The following TMPRSS2 variants were observed in gnomAD, a reference collection of about 807,000 sequenced individuals.
TMPRSS2 encodes the protein transmembrane protease serine 2.
TMPRSS2 carries 59 observed loss-of-function variants against 67.4 expected under a neutral mutation model. The observed-to-expected ratio is 0.88, with a 90% CI of 0.71 to 1.09. TMPRSS2 has a LOEUF of 1.09. TMPRSS2 is among the 50% of genes least tolerant of loss of function. TMPRSS2 has a pLI of 0.00. For missense variants in TMPRSS2, 668 were observed against 642.7 expected, an observed-to-expected ratio of 1.04 and a Z score of -0.43; for synonymous variants, 257 against 257.0, an observed-to-expected ratio of 1.00 and a Z score of 0.00.
chr21:41,470,523 G>A, intron 11 of TMPRSS2, 125 bp downstream of exon 11: 4 of 853,130 alleles, frequency 4.7e-6, no homozygotes, highest in East Asian at 2.7e-5. Context: ...AAGGACTGGG[G>A]GAATCAACCA....
At chr21:41,480,869 C>T (rs1393006603) in intron 5 of TMPRSS2, among the ~76,000 whole-genome samples, 1 of 152,174 alleles carries the variant, frequency 6.6e-6, no homozygotes, top group Non-Finnish European at 1.5e-5. Flanking sequence ...AACTCCTGAC[C>T]TCAGGTGATC....
At position 41,468,516 on chromosome 21, in the gene TMPRSS2, G is replaced by T. The variant is rs1020870443; in HGVS notation, c.1194C>A (p.Asn398Lys). 1 of 1,614,100 alleles carries T rather than the reference G, an allele frequency of 6.2e-7. No individual in the cohort carries two copies. The highest frequency in any genetic ancestry group is 8.5e-7 in the Non-Finnish European group (1 of 1,180,026). Residue 398 changes from asparagine (N) to lysine (K), a missense_variant, in exon 12 of 14, where the codon AAC becomes AAA. Asn to Lys is a moderately conservative substitution (Grantham distance 94, BLOSUM62 0). Transcript: ENST00000332149. Reference protein sequence around the residue: ...EEKGKTSEVLNAAKVLLIETQ... With the variant: ...EEKGKTSEVLKAAKVLLIETQ... Reference sequence around the variant, plus strand: ...TCTCAATGAGAAGCACCTTGGCAGCGTTCAGCACTTCTGAGGTCTTCCCTA... The same window carrying T: ...TCTCAATGAGAAGCACCTTGGCAGCTTTCAGCACTTCTGAGGTCTTCCCTA...
In TMPRSS2 at chr21:41,488,501, C is replaced by T. The variant is rs1233717608; in HGVS notation, c.338G>A (p.Cys113Tyr). The change falls in exon 5 of 14, where the codon TGC (cysteine) becomes TAC (tyrosine). Residue 113 changes from cysteine (C) to tyrosine (Y), a missense_variant. By Grantham distance (194) the Cys-to-Tyr change is radical. Coordinates refer to ENST00000332149, the MANE Select transcript of TMPRSS2 (RefSeq NM_005656.4). ...GTCGCACTCTATCCCAGAGTTGGAG[C>T]ACTTGCTGCCCACTTGCAGAGAAAA... Reference protein sequence around the residue: ...GLLWKFMGSKCSNSGIECDSS... With the variant: ...GLLWKFMGSKYSNSGIECDSS... The T allele has an allele frequency of 6.2e-7, 1 of 1,612,902 alleles. No individual in the cohort carries two copies. The highest frequency in any genetic ancestry group is 8.5e-7 in the Non-Finnish European group (1 of 1,179,206).
At chr21:41,484,615 T>C (rs1452578768) in intron 5 of TMPRSS2, among the ~76,000 whole-genome samples, 1 of 152,218 alleles carries the variant, frequency 6.6e-6, no homozygotes, top group Non-Finnish European at 1.5e-5. Flanking sequence ...TGTTTCCTTT[T>C]ATATGAATAA....
intron 10 of TMPRSS2, 106 bp from the exon 11 acceptor site, chr21:41,470,849 C>G: frequency 1.3e-6 from 1 of 775,796 alleles, no homozygotes. Context: ...GCCACCCTGC[C>G]CAGAGGACCC....
At position 41,503,391 on chromosome 21, in the gene TMPRSS2, G is replaced by A. The variant is rs1243129586; in HGVS notation, c.-57+4690C>T. Among the ~76,000 whole-genome samples the A allele has an allele frequency of 2.0e-5, 3 of 152,220 alleles. No individual in the cohort carries two copies. The East Asian group carries it at 5.8e-4, about 29-fold the overall frequency. On this transcript the variant is annotated intron_variant, in intron 1 of 13. Transcript: ENST00000332149. ...ACTTGTCCAAGTCAATCTGTAAAAT[G>A]GGGATGATACAGAAATAGGGTTGTT...
intron 5 of TMPRSS2, among the ~76,000 whole-genome samples, chr21:41,485,713 C>T (rs186847776): frequency 8.6e-5 from 13 of 151,762 alleles, no homozygotes; most frequent in Middle Eastern, 3.4e-3. Context: ...CTTAACCTCA[C>T]GCTACTCAAT....
intron 7 of TMPRSS2, among the ~76,000 whole-genome samples, chr21:41,477,810 A>G (rs908678969): frequency 2.0e-5 from 3 of 152,128 alleles, no homozygotes; most frequent in Non-Finnish European, 4.4e-5. Context: ...GAAGCCCGAC[A>G]GAAAACAAGC....
intron 7 of TMPRSS2, 123 bp downstream of exon 7, chr21:41,479,049 A>C (rs1036027026): frequency 1.4e-6 from 1 of 723,994 alleles, no homozygotes; most frequent in Admixed American, 2.5e-5. Context: ...ATCTCCTCCC[A>C]ATGCAAAACC....
intron 1 of TMPRSS2, among the ~76,000 whole-genome samples, chr21:41,499,801 C>T (rs1481298461): frequency 1.3e-5 from 2 of 152,240 alleles, no homozygotes; most frequent in Admixed American, 6.5e-5. Context: ...TCTCATTGGA[C>T]GATTTTTTTT....
chr21:41,476,887 T>C (rs531630419), intron 7 of TMPRSS2, among the ~76,000 whole-genome samples: 7 of 152,222 alleles, frequency 4.6e-5, no homozygotes, highest in Non-Finnish European at 7.4e-5. Flanking sequence ...TACCAGCTCC[T>C]AGGACGGTTG....
rs954435317 is a variant in TMPRSS2, at chr21:41,468,043, C to T, written c.1315-157G>A. On this transcript the variant is annotated intron_variant, in intron 12 of 13. Transcript: ENST00000332149. Reference sequence around the variant, plus strand: ...CTCCACCATCAAGGGGTGATGGTAACAGAGATGTAACCCCCAAAGAGATAG... The same window carrying T: ...CTCCACCATCAAGGGGTGATGGTAATAGAGATGTAACCCCCAAAGAGATAG... 3.1e-5 allele frequency: 23 copies of T among 743,200 alleles called. No homozygotes were observed. In the East Asian group the frequency reaches 6.1e-4, roughly 20 times the overall value. The allele number at this position is 743,200 out of a possible 1,614,324, so 46.0% of individuals were successfully genotyped here.
intron 5 of TMPRSS2, among the ~76,000 whole-genome samples, chr21:41,481,861 G>C (rs1337867404): frequency 6.6e-6 from 1 of 152,090 alleles, no homozygotes. Flanking sequence ...TCAGGCGTTT[G>C]AGATCAGCCT....
Position 41,476,621 on chromosome 21 carries a change from C to A in TMPRSS2, c.684-1G>T. 6.7e-7 allele frequency: 1 copy of A among 1,501,190 alleles called. No individual in the cohort carries two copies. The highest frequency in any genetic ancestry group is 8.9e-7 in the Non-Finnish European group (1 of 1,121,184). The allele number at this position is 1,501,190 out of a possible 1,614,324, so 93.0% of individuals were successfully genotyped here. ...CACTGCTTTTGAAGAACAGGCATCA[C>A]TGCAAAAAGAACAGGGGAAATTCTG... On this transcript the variant is annotated splice_acceptor_variant, in intron 7 of 13. Coordinates refer to ENST00000332149, the MANE Select transcript of TMPRSS2 (RefSeq NM_005656.4). LOFTEE classifies it high-confidence loss of function.
chr21:41,498,383 T>C (rs1359482417), intron 1 of TMPRSS2, among the ~76,000 whole-genome samples, 194 bp from the exon 2 acceptor site: 1 of 152,164 alleles, frequency 6.6e-6, no homozygotes, highest in Non-Finnish European at 1.5e-5. Flanking sequence ...TGGGACCCAC[T>C]TGTGCCTTAG....
chr21:41,496,144 T>C (rs1417418821), intron 2 of TMPRSS2, among the ~76,000 whole-genome samples: 1 of 152,210 alleles, frequency 6.6e-6, no homozygotes, highest in Non-Finnish European at 1.5e-5. Flanking sequence ...GCCAGGCTCC[T>C]GTACTCATAA....
chr21:41,499,133 G>T (rs1004528748), intron 1 of TMPRSS2, among the ~76,000 whole-genome samples: 1 of 152,108 alleles, frequency 6.6e-6, no homozygotes, highest in Non-Finnish European at 1.5e-5. Flanking sequence ...CATGTCCACA[G>T]TCACTCCATT....
At position 41,473,348 on chromosome 21, in the gene TMPRSS2, C is replaced by T. The variant is rs2146431106; in HGVS notation, c.876G>A (p.Val292=). The T allele has an allele frequency of 1.9e-6, 3 of 1,605,982 alleles. 1 individual carries two copies. Among genetic ancestry groups the T allele is most frequent in the South Asian group, 2.2e-5 (2 of 90,088 alleles). Residue 292 remains valine (V), a synonymous_variant, in exon 9 of 14, where the codon GTG becomes GTA. Transcript: ENST00000332149. ...GGSIITPEWI[V]TAAHCVEKPL... ...ACTTTTCCACGCAGTGGGCGGCTGTCACGATCCACTCGGGGGTGATGATGG... is the reference window on the plus strand; with the variant it reads ...ACTTTTCCACGCAGTGGGCGGCTGTTACGATCCACTCGGGGGTGATGATGG...
intron 1 of TMPRSS2, among the ~76,000 whole-genome samples, chr21:41,503,331 A>G (rs2091436335): frequency 2.0e-5 from 3 of 152,182 alleles, no homozygotes; most frequent in Non-Finnish European, 4.4e-5. Context: ...GGAGACTTCA[A>G]CACCACACAC....
Sources: allele counts gnomAD v4.1 joint callset (sites outside exome capture counted in the v4.1 genomes callset), GRCh38; gene constraint gnomAD v4.1.1; transcripts MANE v1.5; gene names NCBI Gene and HGNC (gene_info 2026-07-23, HGNC 2026-07-21).